The following RNF180 variants were observed in gnomAD, a reference collection of about 807,000 sequenced individuals.
RNF180 encodes ring finger protein 180.
Under a neutral mutation model 59.2 loss-of-function variants are expected in RNF180, and 38 were observed. That is an observed-to-expected ratio of 0.64 (90% CI 0.50 to 0.84). The LOEUF is 0.84. Among genes scored for constraint, RNF180 ranks in the 40% least tolerant of loss-of-function variants. The probability of loss-of-function intolerance (pLI) is 0.00; values close to 1 mark genes in which losing one functional copy is unlikely to be tolerated. For missense variants in RNF180, 705 were observed against 700.9 expected (o/e 1.01, Z -0.07); for synonymous variants, 262 against 240.3 (o/e 1.09, Z -0.84).
chr5:64,285,040 G>A (rs1029962210), intron 5 of RNF180, among the ~76,000 whole-genome samples: 2 of 152,162 alleles, frequency 1.3e-5, no homozygotes, highest in Non-Finnish European at 1.5e-5. Context: ...ATGGCATATG[G>A]TGGGTTCACC....
chr5:64,368,266 A>T (rs1390600795), intron 7 of RNF180, among the ~76,000 whole-genome samples: 2 of 151,802 alleles, frequency 1.3e-5, no homozygotes, highest in African/African-American at 4.8e-5. Context: ...TCAAAGAACT[A>T]AACTGAATGA....
At chr5:64,319,965 C>G (rs1744260352) in intron 5 of RNF180, among the ~76,000 whole-genome samples, 1 of 152,150 alleles carries the variant, frequency 6.6e-6, no homozygotes, top group Non-Finnish European at 1.5e-5. Context: ...AGCCAGGTAG[C>G]AGGAATTATA....
intron 5 of RNF180, among the ~76,000 whole-genome samples, chr5:64,292,515 T>C (rs1383897637): frequency 6.6e-6 from 1 of 152,190 alleles, no homozygotes; most frequent in African/African-American, 2.4e-5. Flanking sequence ...GCTCCATCCC[T>C]GGTGGGGATG....
At chr5:64,186,877 A>G (rs1396270555) in intron 1 of RNF180, among the ~76,000 whole-genome samples, 1 of 152,178 alleles carries the variant, frequency 6.6e-6, no homozygotes, top group African/African-American at 2.4e-5. Flanking sequence ...AGCATTTTGT[A>G]CAACTCTCTT....
chr5:64,314,055 C>T (rs1743917208), intron 5 of RNF180, among the ~76,000 whole-genome samples: 1 of 152,012 alleles, frequency 6.6e-6, no homozygotes. Context: ...TAAACCTTTG[C>T]TGGATGCATA....
chr5:64,201,472 C>A (rs932578616), intron 2 of RNF180, among the ~76,000 whole-genome samples: 3 of 152,144 alleles, frequency 2.0e-5, no homozygotes, highest in Non-Finnish European at 4.4e-5. Context: ...ATAAAAATTT[C>A]TTCTCTAAGA....
chr5:64,302,985 C>T (rs552073009), intron 5 of RNF180, among the ~76,000 whole-genome samples: 3 of 151,788 alleles, frequency 2.0e-5, no homozygotes, highest in Non-Finnish European at 3.0e-5. Flanking sequence ...GCAAGTCCAT[C>T]GGCATCATTT....
chr5:64,359,441 A>T (rs1231975049), intron 7 of RNF180, among the ~76,000 whole-genome samples: 8 of 151,922 alleles, frequency 5.3e-5, no homozygotes, highest in Non-Finnish European at 8.8e-5. Context: ...TTCCTTTGAG[A>T]AGTGTCTGTT....
At chr5:64,279,957 G>A (rs1741924968) in intron 5 of RNF180, among the ~76,000 whole-genome samples, 1 of 152,184 alleles carries the variant, frequency 6.6e-6, no homozygotes. Context: ...GCCGGGCGTG[G>A]TGGTGCACGC....
At chr5:64,299,358 G>A (rs2112449384) in intron 5 of RNF180, among the ~76,000 whole-genome samples, 1 of 151,998 alleles carries the variant, frequency 6.6e-6, no homozygotes, top group East Asian at 1.9e-4. Flanking sequence ...TGCCTGTACA[G>A]CAATGATCTC....
At chr5:64,264,060 C>A (rs1208222065) in intron 5 of RNF180, among the ~76,000 whole-genome samples, 1 of 152,116 alleles carries the variant, frequency 6.6e-6, no homozygotes, top group Admixed American at 6.6e-5. Flanking sequence ...GTCTAACTTT[C>A]CTCAAAAGCA....
chr5:64,337,503 A>G (rs921885408), intron 7 of RNF180, among the ~76,000 whole-genome samples: 3 of 151,750 alleles, frequency 2.0e-5, no homozygotes, highest in East Asian at 1.9e-4. Flanking sequence ...TTTTTTTGCA[A>G]TCTTTTTTAT....
intron 5 of RNF180, among the ~76,000 whole-genome samples, chr5:64,315,734 C>CAAAA (rs869200360): frequency 1.1e-4 from 6 of 53,040 alleles, no homozygotes; most frequent in Non-Finnish European, 1.8e-4. Context: ...GTAACTGTCT[C>CAAAA]AAAAAAAAAA....
intron 5 of RNF180, among the ~76,000 whole-genome samples, chr5:64,278,789 A>C (rs1454230571): frequency 1.3e-5 from 2 of 152,002 alleles, no homozygotes; most frequent in Non-Finnish European, 2.9e-5. Flanking sequence ...CTATTTATTT[A>C]AATTTTTGTA....
chr5:64,271,305 A>G (rs1475191009), intron 5 of RNF180, among the ~76,000 whole-genome samples: 1 of 152,086 alleles, frequency 6.6e-6, no homozygotes, highest in Non-Finnish European at 1.5e-5. Context: ...TGACAGGTAT[A>G]TGTTGCTATT....
rs192312366 is a variant in RNF180 at position 64,337,775 on chromosome 5, C to T, written c.1579+7369C>T. Among the ~76,000 whole-genome samples, 318 of 150,848 alleles carry T rather than the reference C, an allele frequency of 2.1e-3. 2 individuals carry two copies. The highest frequency in any genetic ancestry group is 7.0e-3 in the African/African-American group (286 of 41,114). ...TGCGGTGTTTGGTTTTTTGTCCTTG[C>T]GATAGTTTACTGAGAATGATGATTT... On this transcript the variant is annotated intron_variant, in intron 7 of 7. Coordinates refer to ENST00000389100, the MANE Select transcript of RNF180 (RefSeq NM_001113561.2).
chr5:64,337,649 C>T (rs577911638), intron 7 of RNF180, among the ~76,000 whole-genome samples: 1 of 146,420 alleles, frequency 6.8e-6, no homozygotes, highest in African/African-American at 2.6e-5. Flanking sequence ...AATGCTATCC[C>T]TCCACCCTCC....
chr5:64,326,799 T>C (rs1744667311), intron 6 of RNF180, among the ~76,000 whole-genome samples: 1 of 152,190 alleles, frequency 6.6e-6, no homozygotes, highest in Non-Finnish European at 1.5e-5. Flanking sequence ...TCTGTTTTGG[T>C]ATCAGAGTTA....
At chr5:64,185,865 A>G (rs1487775161) in intron 1 of RNF180, among the ~76,000 whole-genome samples, 1 of 152,230 alleles carries the variant, frequency 6.6e-6, no homozygotes, top group African/African-American at 2.4e-5. Context: ...CATAAGTAAC[A>G]GATGAACAAA....
Sources: gnomAD v4.1 joint callset for allele counts (sites outside exome capture counted in the v4.1 genomes callset) on GRCh38, gnomAD v4.1.1 for gene constraint, MANE v1.5 for transcripts, NCBI Gene and HGNC (gene_info 2026-07-23, HGNC 2026-07-21) for gene names.